Variants in AGBL1 observed in about 807,000 individuals in gnomAD.
The protein encoded by AGBL1 is cytosolic carboxypeptidase 4.
In AGBL1, 130 loss-of-function variants were observed where a neutral mutation model predicts 118.9. That is an observed-to-expected ratio of 1.09 (90% confidence interval 0.95 to 1.26). The LOEUF is 1.26. AGBL1 is among the 50% of genes most tolerant of loss of function. AGBL1 has a pLI of 0.00. For missense variants in AGBL1, 1,584 were observed against 1,298.1 expected (o/e 1.22, Z -3.38); for synonymous variants, 555 against 478.9 (o/e 1.16, Z -2.08).
downstream of AGBL1, among the ~76,000 whole-genome samples, chr15:86,918,877 A>AT (rs900444448): frequency 6.6e-6 from 1 of 152,194 alleles, no homozygotes; most frequent in African/African-American, 2.4e-5. Context: ...TCGGGTCTGG[A>AT]TTGGGATCAG....
chr15:86,604,511 C>G (rs1012298413), intron 21 of AGBL1, among the ~76,000 whole-genome samples: 12 of 152,148 alleles, frequency 7.9e-5, no homozygotes, highest in Admixed American at 2.0e-4. Flanking sequence ...TCAGTTAACT[C>G]TCAATTACAC....
rs1348607772 is a variant in AGBL1, at chr15:86,546,012, A to T, written c.2696A>T (p.Asp899Val). ...GTTGGGCTATTGTAGGTTTTCTGTG[A>T]CTTCCATGGCCACTCCCAAAAGAAG... is the stretch of plus-strand genomic sequence containing the variant. ...SIGRSPVVFC[D>V]FHGHSQKKNV... is the part of the protein sequence containing the mutation. The change falls in exon 20 of 23, where the codon GAC (aspartate) becomes GTC (valine). Residue 899 changes from aspartate (D) to valine (V), a missense_variant. By Grantham distance (152) the Asp-to-Val change is radical. Transcript: ENST00000614907. The T allele has an allele frequency of 4.3e-6, 7 of 1,612,488 alleles. No homozygotes were observed. The highest frequency in any genetic ancestry group is 5.1e-6 in the Non-Finnish European group (6 of 1,179,082).
chr15:86,799,448 G>C (rs539565095), intron 22 of AGBL1, among the ~76,000 whole-genome samples: 32 of 152,250 alleles, frequency 2.1e-4, no homozygotes, highest in Admixed American at 5.9e-4. Flanking sequence ...GACTAAGCAA[G>C]TGCCAAGAGG....
intron 22 of AGBL1, among the ~76,000 whole-genome samples, chr15:86,810,182 C>G (rs1439429680): frequency 6.6e-6 from 1 of 152,088 alleles, no homozygotes; most frequent in African/African-American, 2.4e-5. Context: ...TAAGTAGATT[C>G]TTAGTTCTGC....
chr15:86,537,415 G>T (rs1047384104), intron 19 of AGBL1, among the ~76,000 whole-genome samples: 6 of 152,300 alleles, frequency 3.9e-5, no homozygotes, highest in African/African-American at 1.4e-4. Context: ...GTGTAGAAAG[G>T]TGACATCCAG....
intron 22 of AGBL1, among the ~76,000 whole-genome samples, chr15:86,902,101 T>A (rs1000522505): frequency 1.3e-5 from 2 of 152,140 alleles, no homozygotes; most frequent in African/African-American, 4.8e-5. Context: ...AGTGTGGACA[T>A]AAGTTTTTAT....
chr15:86,943,033 A>T (rs1270158622), intron 23 of AGBL1, among the ~76,000 whole-genome samples: 2 of 152,246 alleles, frequency 1.3e-5, no homozygotes, highest in Non-Finnish European at 2.9e-5. Context: ...CACATAAATT[A>T]GGTTTTTGTA....
intron 16 of AGBL1, among the ~76,000 whole-genome samples, chr15:86,288,986 A>T (rs2079501224): frequency 6.6e-6 from 1 of 152,136 alleles, no homozygotes; most frequent in African/African-American, 2.4e-5. Context: ...TTCATTGTAT[A>T]TTACTATTGC....
chr15:86,626,122 A>G (rs2084883781), intron 21 of AGBL1, among the ~76,000 whole-genome samples: 1 of 152,238 alleles, frequency 6.6e-6, no homozygotes, highest in Non-Finnish European at 1.5e-5. Flanking sequence ...TCCTAAAGAC[A>G]GAAATACCGT....
intron 21 of AGBL1, among the ~76,000 whole-genome samples, chr15:86,560,571 G>A (rs12903633): frequency 6.6e-6 from 1 of 152,132 alleles, no homozygotes; most frequent in Non-Finnish European, 1.5e-5. Context: ...CTAACTCTTT[G>A]CTATTGTGAA....
At position 86,522,906 on chromosome 15, in the gene AGBL1, C is replaced by G. The variant is rs545197071; in HGVS notation, c.2652C>G (p.Leu884=). ...CCATTTACCATGCCAAAGGCCTCCT[C>G]TACCACCTGAGCAGCATTGGCCGAA... The part of the protein sequence containing the change: ...QPTIYHAKGL[L]YHLSSIGRSP... The change falls in exon 19 of 23, where the codon CTC becomes CTG. Residue 884 remains leucine (L), a synonymous_variant. Coordinates refer to ENST00000614907, the MANE Select transcript of AGBL1 (RefSeq NM_001386094.1). The G allele has an allele frequency of 3.7e-6, 6 of 1,614,002 alleles. No homozygotes were observed. In the Admixed American group the frequency reaches 1.0e-4, roughly 27 times the overall value.
chr15:86,919,546 G>T (rs1219405025), downstream of AGBL1, among the ~76,000 whole-genome samples: 1 of 150,484 alleles, frequency 6.6e-6, no homozygotes, highest in East Asian at 2.0e-4. Flanking sequence ...TCAATGACTA[G>T]CTGCTTAGTT....
Position 86,647,217 on chromosome 15 carries a change from A to G in AGBL1, c.2995-27056A>G, listed in dbSNP as rs564899148. ...TTTTTACTGCATAGGTAGTAAAATA[A>G]TGCATCCAAGATAATTTGTAAAGTA... On this transcript the variant is annotated intron_variant, in intron 21 of 22. Transcript: ENST00000614907. Among the ~76,000 whole-genome samples the G allele has an allele frequency of 2.0e-3, 301 of 152,328 alleles. 2 individuals carry two copies. Among genetic ancestry groups the G allele is most frequent in the African/African-American group, 7.0e-3 (290 of 41,592 alleles).
intron 21 of AGBL1, among the ~76,000 whole-genome samples, chr15:86,654,841 C>T (rs1425017425): frequency 2.0e-5 from 3 of 152,088 alleles, no homozygotes; most frequent in African/African-American, 7.2e-5. Flanking sequence ...CTAAAGATGC[C>T]AGTGAGCATC....
chr15:86,577,557 A>G (rs1382422089), intron 21 of AGBL1, among the ~76,000 whole-genome samples: 1 of 152,160 alleles, frequency 6.6e-6, no homozygotes, highest in Non-Finnish European at 1.5e-5. Flanking sequence ...CCCCAAGACA[A>G]TGGGGAAAAT....
chr15:86,874,666 G>A (rs77399460), intron 22 of AGBL1, among the ~76,000 whole-genome samples: 1,651 of 152,088 alleles, frequency 0.011, 38 homozygotes, highest in African/African-American at 0.037. Flanking sequence ...AGAAGAAATG[G>A]GGACATTCTT....
intron 24 of AGBL1, among the ~76,000 whole-genome samples, chr15:87,012,483 A>C (rs762046000): frequency 4.2e-4 from 64 of 152,180 alleles, no homozygotes; most frequent in Admixed American, 9.2e-4. Flanking sequence ...ATGTTAAGAC[A>C]TAATCATTTT....
chr15:86,240,977 G>T (rs150222578), intron 6 of AGBL1, among the ~76,000 whole-genome samples: 1 of 152,166 alleles, frequency 6.6e-6, no homozygotes, highest in African/African-American at 2.4e-5. Context: ...AGGCTTTAGA[G>T]TAATGAGACT....
chr15:86,473,066 A>G (rs1169007979), intron 18 of AGBL1, among the ~76,000 whole-genome samples: 1 of 152,236 alleles, frequency 6.6e-6, no homozygotes, highest in Admixed American at 6.5e-5. Flanking sequence ...ATTAGATTAA[A>G]TGAAATGTTA....
Sources: allele counts gnomAD v4.1 joint callset (sites outside exome capture counted in the v4.1 genomes callset), GRCh38; gene constraint gnomAD v4.1.1; transcripts MANE v1.5; gene names NCBI Gene and HGNC (gene_info 2026-07-23, HGNC 2026-07-21).